CAST: variants seen among roughly 807,000 people sequenced by gnomAD.
The protein encoded by CAST is MIR583 host.
Under a neutral mutation model 119.6 loss-of-function variants are expected in CAST, and 76 were observed. The observed-to-expected ratio is 0.64, with a 90% CI of 0.53 to 0.77. The LOEUF (loss-of-function observed/expected upper bound fraction) is 0.77, where lower values mean the gene tolerates loss of function less well. Among genes scored for constraint, CAST ranks in the 30% least tolerant of loss-of-function variants. CAST has a pLI of 0.00. For missense variants in CAST, 953 were observed against 946.5 expected, an observed-to-expected ratio of 1.01 and a Z score of -0.09; for synonymous variants, 319 against 331.6, an observed-to-expected ratio of 0.96 and a Z score of 0.41.
chr5:95,989,308 A>C, the CAST span, among the ~76,000 whole-genome samples: 2 of 152,026 alleles, frequency 1.3e-5, no homozygotes, highest in African/African-American at 4.8e-5. Flanking sequence ...TGAGAGCATG[A>C]TATATCTTTT....
At position 96,738,402 on chromosome 5, in the gene CAST, A is replaced by G. The variant is rs150181466; in HGVS notation, c.798+455A>G. ...ATCAACATCAACACAGCAACTAAAA[A>G]TTAGTATCGGGGATGGAAATTGTCT... On this transcript the variant is annotated intron_variant, in intron 11 of 31. Coordinates refer to ENST00000675179, the MANE Select transcript of CAST (RefSeq NM_001750.7). 8.5e-5 allele frequency among the ~76,000 whole-genome samples: 13 copies of G among 152,298 alleles called. 1 individual carries two copies. The highest frequency in any genetic ancestry group is 2.9e-4 in the African/African-American group (12 of 41,554).
the CAST span, among the ~76,000 whole-genome samples, chr5:96,000,828 T>G: frequency 6.6e-6 from 1 of 152,214 alleles, no homozygotes; most frequent in Non-Finnish European, 1.5e-5. Flanking sequence ...AGAGTTCAGA[T>G]ATTGATGTTT....
the CAST span, among the ~76,000 whole-genome samples, chr5:96,216,480 A>G: frequency 1.6e-4 from 24 of 152,198 alleles, no homozygotes; most frequent in African/African-American, 5.5e-4. Flanking sequence ...AACCATGTCA[A>G]TGAACTTCCC....
rs564074470 is a variant in CAST, at chr5:96,549,390, T to A, written c.60+19510T>A. Among the ~76,000 whole-genome samples, 108 of 152,248 alleles carry A rather than the reference T, an allele frequency of 7.1e-4. 2 individuals carry two copies. In the South Asian group the frequency reaches 0.017, roughly 24 times the overall value. ...TTATTTATTTTACTAAAATTGTAGG[T>A]AGATAAAAATAAATAAATGTTTAAA... On this transcript the variant is annotated intron_variant, in intron 1 of 11. Coordinates refer to the CAST transcript ENST00000505143.
Position 96,631,227 on chromosome 5 carries a change from A to T in CAST, c.61-44312A>T, listed in dbSNP as rs974224067. ...ACTCCAGAACATTTTCATCACCCCA[A>T]AAAGGACACTAGGACCTGTCAGCAA... On this transcript the variant is annotated intron_variant, in intron 1 of 11. Coordinates refer to the CAST transcript ENST00000505143. 9 of 140,916 alleles carry T rather than the reference A, an allele frequency of 6.4e-5. 1 individual carries two copies. Among genetic ancestry groups the T allele is most frequent in the Admixed American group, 3.6e-4 (5 of 13,858 alleles). 8.7% of individuals were successfully genotyped at this position (140,916 alleles called of 1,614,324 possible).
chr5:96,477,883 C>G, the CAST span, among the ~76,000 whole-genome samples: 2 of 152,092 alleles, frequency 1.3e-5, no homozygotes, highest in South Asian at 4.1e-4. Context: ...AAGAAGACAC[C>G]TTCAGATATA....
the CAST span, among the ~76,000 whole-genome samples, chr5:96,405,998 T>C: frequency 6.6e-6 from 1 of 152,248 alleles, no homozygotes; most frequent in Admixed American, 6.5e-5. Context: ...TTAAATATAA[T>C]AAGTCTGTTG....
At chr5:96,298,257 T>G in the CAST span, among the ~76,000 whole-genome samples, 1 of 152,234 alleles carries the variant, frequency 6.6e-6, no homozygotes, top group Non-Finnish European at 1.5e-5. Flanking sequence ...AATATTCTCT[T>G]TCTCCTCTTT....
chr5:96,280,617 T>C, the CAST span, among the ~76,000 whole-genome samples: 2 of 152,360 alleles, frequency 1.3e-5, no homozygotes. Context: ...TTTCCACTTC[T>C]GTAAAATGGT....
intron 29 of CAST, chr5:96,768,539 T>A: frequency 8.2e-6 from 3 of 366,868 alleles, no homozygotes; most frequent in South Asian, 6.7e-5. Context: ...TAATTATACT[T>A]ACAGTCCACT....
the CAST span, among the ~76,000 whole-genome samples, chr5:96,160,422 T>C: frequency 3.3e-5 from 5 of 152,318 alleles, no homozygotes; most frequent in South Asian, 8.3e-4. Flanking sequence ...TTCATCCATG[T>C]TGTAGCAAGT....
At chr5:96,425,127 G>A in the CAST span, among the ~76,000 whole-genome samples, 1 of 152,224 alleles carries the variant, frequency 6.6e-6, no homozygotes, top group East Asian at 1.9e-4. Flanking sequence ...TGCAACAAGA[G>A]TATCAAAGTC....
the CAST span, among the ~76,000 whole-genome samples, chr5:96,434,859 A>G: frequency 1.3e-5 from 2 of 152,344 alleles, no homozygotes; most frequent in South Asian, 4.1e-4. Flanking sequence ...TTCTTTAAAC[A>G]TAAAGCATCT....
chr5:96,193,350 A>AT, the CAST span, among the ~76,000 whole-genome samples: 26,861 of 152,124 alleles, frequency 0.18, 3,970 homozygotes, highest in African/African-American at 0.4. Flanking sequence ...AACTGTAGAG[A>AT]TTTAAATATG....
chr5:96,770,168 A>G (rs182537976), intron 29 of CAST: 46 of 226,758 alleles, frequency 2.0e-4, no homozygotes, highest in Middle Eastern at 1.7e-3. Context: ...GCCCATACCA[A>G]TCTACATCCC....
At chr5:96,476,620 C>A in the CAST span, among the ~76,000 whole-genome samples, 2 of 152,244 alleles carry the variant, frequency 1.3e-5, no homozygotes, top group African/African-American at 4.8e-5. Context: ...ATTATAAGCA[C>A]GTTTCAAATA....
chr5:96,448,529 T>C, the CAST span, among the ~76,000 whole-genome samples: 4 of 152,202 alleles, frequency 2.6e-5, no homozygotes, highest in African/African-American at 7.2e-5. Flanking sequence ...TGTTATAGCT[T>C]TACATGAATT....
chr5:96,130,965 T>G, the CAST span, among the ~76,000 whole-genome samples: 1 of 152,158 alleles, frequency 6.6e-6, no homozygotes, highest in Non-Finnish European at 1.5e-5. Flanking sequence ...AAAGTATGAA[T>G]AATATCTATC....
At chr5:96,166,948 G>A in the CAST span, among the ~76,000 whole-genome samples, 1 of 152,110 alleles carries the variant, frequency 6.6e-6, no homozygotes, top group Admixed American at 6.5e-5. Context: ...GATTACGAGC[G>A]GCTTGGGAAC....
Sources: gnomAD v4.1 joint callset for allele counts (sites outside exome capture counted in the v4.1 genomes callset) on GRCh38, gnomAD v4.1.1 for gene constraint, MANE v1.5 for transcripts, NCBI Gene and HGNC (gene_info 2026-07-23, HGNC 2026-07-21) for gene names.